Variants in CDH2 observed in about 807,000 individuals in gnomAD.
CDH2 encodes the protein cadherin-2.
CDH2 carries 17 observed loss-of-function variants against 92.0 expected under a neutral mutation model. The observed-to-expected ratio is 0.18, with a 90% CI of 0.13 to 0.28. CDH2 has a LOEUF of 0.28. CDH2 is among the 10% of genes least tolerant of loss of function. The pLI, the probability that CDH2 is intolerant of heterozygous loss-of-function variation, is 1.00. For missense variants in CDH2, 862 were observed against 1,133.1 expected (o/e 0.76, Z 3.44); for synonymous variants, 419 against 415.9 (o/e 1.01, Z -0.09).
intron 2 of CDH2, among the ~76,000 whole-genome samples, chr18:28,129,200 T>C (rs2015727131): frequency 6.6e-6 from 1 of 152,182 alleles, no homozygotes; most frequent in African/African-American, 2.4e-5. Flanking sequence ...AAAATACCAT[T>C]GAGTCAAAAG....
At chr18:27,990,373 T>C (rs780215860) in intron 9 of CDH2, 23 bp from the exon 10 acceptor site, 2 of 1,596,420 alleles carry the variant, frequency 1.3e-6, no homozygotes, top group Non-Finnish European at 1.7e-6. Flanking sequence ...AGGGAAGCCA[T>C]ATTTTTGCAG....
At chr18:27,989,165 T>C (rs1313936551) in intron 10 of CDH2, among the ~76,000 whole-genome samples, 2 of 152,322 alleles carry the variant, frequency 1.3e-5, no homozygotes, top group South Asian at 4.1e-4. Flanking sequence ...CCATTCCTAC[T>C]TGAATCTTTC....
Position 27,988,545 on chromosome 18 carries a change from T to C in CDH2, c.1720A>G (p.Thr574Ala), listed in dbSNP as rs762302781. 8 of 1,612,702 alleles carry C rather than the reference T, an allele frequency of 5.0e-6. No homozygotes were observed. In the East Asian group the frequency reaches 1.3e-4, roughly 27 times the overall value. ...ATACCATTGTCAGAAGCAAGGAAAGTAGCATTATATATATTGTTTTTCACA... is the reference window on the plus strand; with the variant it reads ...ATACCATTGTCAGAAGCAAGGAAAGCAGCATTATATATATTGTTTTTCACA... ...PNVKNNIYNA[T>A]FLASDNGIPP... The change falls in exon 11 of 16, where the codon ACT (threonine) becomes GCT (alanine). Residue 574 changes from threonine to alanine, a missense_variant. Around this residue, in one of 5 missense-constraint regions of CDH2, gnomAD observed 564 missense variants for 722.2 expected, o/e 0.78. Transcript: ENST00000269141.
chr18:28,163,998 C>G lies in CDH2; in HGVS notation c.60+12965G>C, dbSNP rs192112617. ...GGAATATTCTGTTTTCCTAACCAGGCTGGTGGTTACATGGATGTACTTTAT... is the reference window on the plus strand; with the variant it reads ...GGAATATTCTGTTTTCCTAACCAGGGTGGTGGTTACATGGATGTACTTTAT... On this transcript the variant is annotated intron_variant, in intron 1 of 15. Coordinates refer to ENST00000269141, the MANE Select transcript of CDH2 (RefSeq NM_001792.5). 4.2e-3 allele frequency among the ~76,000 whole-genome samples: 637 copies of G among 152,238 alleles called. 4 individuals carry two copies. Among genetic ancestry groups the G allele is most frequent in the African/African-American group, 0.015 (604 of 41,520 alleles).
chr18:28,018,558 C>G (rs574528600), intron 2 of CDH2, among the ~76,000 whole-genome samples: 34 of 151,914 alleles, frequency 2.2e-4, no homozygotes, highest in African/African-American at 8.0e-4. Flanking sequence ...ACCAATGGAA[C>G]AGAAATGTAT....
chr18:28,085,975 T>G (rs1486673391), intron 2 of CDH2, among the ~76,000 whole-genome samples: 2 of 152,164 alleles, frequency 1.3e-5, no homozygotes, highest in Non-Finnish European at 2.9e-5. Flanking sequence ...ATAAAAATAT[T>G]ATCCATCTGG....
intron 1 of CDH2, among the ~76,000 whole-genome samples, chr18:28,166,170 A>ATATATATATG (rs1020592723): frequency 4.4e-5 from 6 of 136,126 alleles, no homozygotes; most frequent in African/African-American, 1.7e-4. Flanking sequence ...ATATATATAT[A>ATATATATATG]TATGTCTGTA....
intron 2 of CDH2, among the ~76,000 whole-genome samples, chr18:28,125,587 AT>A (rs1486422254): frequency 2.5e-4 from 38 of 152,252 alleles, no homozygotes; most frequent in African/African-American, 8.7e-4. Flanking sequence ...TTAAGCGTAA[AT>A]TCACTTGATT....
At chr18:28,149,869 GCTCTA>G (rs1394577902) in intron 1 of CDH2, among the ~76,000 whole-genome samples, 1 of 152,220 alleles carries the variant, frequency 6.6e-6, no homozygotes, top group Non-Finnish European at 1.5e-5. Flanking sequence ...CAAACTATCT[GCTCTA>G]CATATTTCAT....
chr18:28,083,797 C>T (rs1239446743), intron 2 of CDH2, among the ~76,000 whole-genome samples: 1 of 152,170 alleles, frequency 6.6e-6, no homozygotes, highest in Non-Finnish European at 1.5e-5. Context: ...GGACATAAGA[C>T]TAGTTAGCCC....
At chr18:28,146,282 A>G (rs970928950) in intron 2 of CDH2, 8 of 152,128 alleles carry the variant, frequency 5.3e-5, no homozygotes, top group African/African-American at 1.9e-4. Context: ...CTACAGAATC[A>G]TATCAATATA....
intron 1 of CDH2, among the ~76,000 whole-genome samples, chr18:28,156,903 T>C (rs2016228336): frequency 6.6e-6 from 1 of 151,978 alleles, no homozygotes; most frequent in Admixed American, 6.6e-5. Context: ...ATACATCGAG[T>C]GACATCCATA....
intron 14 of CDH2, among the ~76,000 whole-genome samples, chr18:27,971,063 C>G (rs1202490797): frequency 1.3e-5 from 2 of 152,092 alleles, no homozygotes; most frequent in Admixed American, 1.3e-4. Context: ...TGGTGAAACC[C>G]CGTCTCTACT....
chr18:28,044,362 G>A (rs1350384820), intron 2 of CDH2, among the ~76,000 whole-genome samples: 1 of 152,070 alleles, frequency 6.6e-6, no homozygotes, highest in Non-Finnish European at 1.5e-5. Flanking sequence ...AGGTTTTCCT[G>A]GTATATTCTT....
At chr18:28,120,084 T>C (rs1417358351) in intron 2 of CDH2, among the ~76,000 whole-genome samples, 1 of 152,064 alleles carries the variant, frequency 6.6e-6, no homozygotes, top group Admixed American at 6.6e-5. Flanking sequence ...GTTTTTTCTA[T>C]TTCCTGTTTC....
chr18:28,120,837 TTTG>T (rs778509454), intron 2 of CDH2, among the ~76,000 whole-genome samples: 1 of 152,108 alleles, frequency 6.6e-6, no homozygotes, highest in Non-Finnish European at 1.5e-5. Context: ...TATTAAGTTG[TTTG>T]TTGTTGTTTT....
chr18:28,048,782 T>C (rs1412375882), intron 2 of CDH2, among the ~76,000 whole-genome samples: 1 of 152,130 alleles, frequency 6.6e-6, no homozygotes, highest in African/African-American at 2.4e-5. Context: ...ACAAACAAAA[T>C]TTCTGTTGAA....
chr18:28,152,548 A>C (rs1317903474), intron 1 of CDH2, among the ~76,000 whole-genome samples: 5 of 152,178 alleles, frequency 3.3e-5, no homozygotes, highest in Non-Finnish European at 5.9e-5. Flanking sequence ...AACTAAAACA[A>C]GGCAGCAAGA....
At chr18:28,080,989 C>T (rs1188632126) in intron 2 of CDH2, among the ~76,000 whole-genome samples, 1 of 152,136 alleles carries the variant, frequency 6.6e-6, no homozygotes, top group East Asian at 1.9e-4. Context: ...AGCAAGCAGC[C>T]CACTGAGCCC....
Sources: gnomAD v4.1 joint callset for allele counts (sites outside exome capture counted in the v4.1 genomes callset) on GRCh38, gnomAD v4.1.1 for gene constraint, gnomAD v4.1.1 regional missense constraint, MANE v1.5 for transcripts, NCBI Gene and HGNC (gene_info 2026-07-23, HGNC 2026-07-21) for gene names.